The following CHMP4C variants were observed in gnomAD, a reference collection of about 807,000 sequenced individuals.
CHMP4C encodes the protein SNF7 homolog associated with Alix 3.
Under a neutral mutation model 29.0 loss-of-function variants are expected in CHMP4C, and 28 were observed. The ratio of observed to expected loss-of-function variants is 0.97; its 90% CI spans 0.72 to 1.32. The LOEUF (loss-of-function observed/expected upper bound fraction) is 1.32. CHMP4C is among the 40% of genes most tolerant of loss of function. The pLI, the probability that CHMP4C is intolerant of heterozygous loss-of-function variation, is 0.00. For missense variants in CHMP4C, 291 were observed against 281.0 expected, an observed-to-expected ratio of 1.04 and a Z score of -0.25; for synonymous variants, 106 against 102.4, an observed-to-expected ratio of 1.04 and a Z score of -0.21.
chr8:81,755,309 T>G, intron 2 of CHMP4C, 61 bp from the exon 3 acceptor site: 1 of 869,726 alleles, frequency 1.1e-6, no homozygotes, highest in Admixed American at 2.1e-5. Flanking sequence ...TATAGGATTA[T>G]ATCTAAATTC....
At position 81,758,949 on chromosome 8, in the gene CHMP4C, C is replaced by T. The variant is rs948262251; in HGVS notation, c.*405C>T. On this transcript the variant is annotated 3_prime_UTR_variant, in exon 5 of 5. Coordinates refer to ENST00000297265, the MANE Select transcript of CHMP4C (RefSeq NM_152284.4). ...CCAGGAGATGGAGGTTGCAGTGAGCCAAGATCATGCCACTGCACTCCAGAC... is the reference window on the plus strand; with the variant it reads ...CCAGGAGATGGAGGTTGCAGTGAGCTAAGATCATGCCACTGCACTCCAGAC... The T allele has an allele frequency of 6.5e-6, 1 of 154,958 alleles. No homozygotes were observed. Among genetic ancestry groups the T allele is most frequent in the Admixed American group, 6.7e-5 (1 of 14,898 alleles). The allele number at this position is 154,958 out of a possible 1,614,324, so 9.6% of individuals were successfully genotyped here. A position where few individuals can be genotyped will look rare whatever the true frequency, so the allele number is the denominator to read the frequency against.
chr8:81,739,689 A>G (rs1410694979), intron 1 of CHMP4C, among the ~76,000 whole-genome samples: 1 of 152,196 alleles, frequency 6.6e-6, no homozygotes, highest in Non-Finnish European at 1.5e-5. Context: ...GAGCTTCCCC[A>G]CTATCTCCCT....
chr8:81,734,475 C>T (rs113759932), intron 1 of CHMP4C, among the ~76,000 whole-genome samples: 1,503 of 139,494 alleles, frequency 0.011, 20 homozygotes, highest in African/African-American at 0.039. Context: ...GGATTACAGG[C>T]ATGTGCCACC....
At chr8:81,740,734 G>A (rs1808753670) in intron 1 of CHMP4C, among the ~76,000 whole-genome samples, 1 of 152,066 alleles carries the variant, frequency 6.6e-6, no homozygotes, top group Non-Finnish European at 1.5e-5. Flanking sequence ...ACACACCTGG[G>A]GTTCACAAAT....
At chr8:81,739,901 A>G (rs2130477388) in intron 1 of CHMP4C, among the ~76,000 whole-genome samples, 1 of 152,322 alleles carries the variant, frequency 6.6e-6, no homozygotes, top group South Asian at 2.1e-4. Flanking sequence ...TCCCAGCCAA[A>G]TTATTCCCCA....
intron 1 of CHMP4C, 67 bp from the exon 2 acceptor site, chr8:81,752,997 G>C: frequency 7.2e-7 from 1 of 1,397,798 alleles, no homozygotes; most frequent in Non-Finnish European, 9.7e-7. Context: ...TAGTGGTGCT[G>C]AGCAAACATC....
At chr8:81,753,675 G>T (rs185572494) in intron 2 of CHMP4C, among the ~76,000 whole-genome samples, 1 of 152,178 alleles carries the variant, frequency 6.6e-6, no homozygotes, top group African/African-American at 2.4e-5. Flanking sequence ...ATGTGATTCC[G>T]ATGCTAACCA....
intron 1 of CHMP4C, among the ~76,000 whole-genome samples, chr8:81,739,260 C>A (rs1017186993): frequency 6.6e-6 from 1 of 151,638 alleles, no homozygotes; most frequent in African/African-American, 2.4e-5. Flanking sequence ...CCAAGCCCAG[C>A]TATTTTTTTT....
chr8:81,753,284 T>A, intron 2 of CHMP4C, 43 bp downstream of exon 2: 1 of 1,480,862 alleles, frequency 6.8e-7, no homozygotes, highest in East Asian at 2.4e-5. Flanking sequence ...ATTCCCTCAG[T>A]GTTGGGAAGA....
chr8:81,753,164 G>A lies in CHMP4C; in HGVS notation c.291G>A (p.Glu97=). Residue 97 remains glutamate, a synonymous_variant, in exon 2 of 5, where the codon GAG becomes GAA. Coordinates refer to ENST00000297265, the MANE Select transcript of CHMP4C (RefSeq NM_152284.4). ...TTGAGTTCCAGAGAGAAGCCCTGGA[G>A]AACTCACACACCAACACTGAGGTGT... ...STIEFQREAL[E]NSHTNTEVLR... 1 of 1,612,598 alleles carries A rather than the reference G, an allele frequency of 6.2e-7. No individual in the cohort carries two copies. Among genetic ancestry groups the A allele is most frequent in the Non-Finnish European group, 8.5e-7 (1 of 1,179,084 alleles).
At chr8:81,732,918 G>T in intron 1 of CHMP4C, 102 bp downstream of exon 1, 1 of 1,094,260 alleles carries the variant, frequency 9.1e-7, no homozygotes, top group Non-Finnish European at 1.3e-6. Flanking sequence ...GGCCAGGTTT[G>T]CTCCTGCAGT....
Position 81,758,149 on chromosome 8 carries a change from T to A in CHMP4C, c.491T>A (p.Leu164Ter). The A allele has an allele frequency of 6.2e-7, 1 of 1,613,900 alleles. No individual in the cohort carries two copies. Among genetic ancestry groups the A allele is most frequent in the Admixed American group, 1.7e-5 (1 of 59,962 alleles). ...CCTTTCTCCTGTGTTCAGGATGAGTTGATGGCAGAACTTGAAGAATTGGAA... is the reference window on the plus strand; with the variant it reads ...CCTTTCTCCTGTGTTCAGGATGAGTAGATGGCAGAACTTGAAGAATTGGAA... The part of the protein sequence containing the change: ...GFGDDFDEDE[L>*]MAELEELEQE... Residue 164 changes from leucine (L) to a stop codon, truncating the protein, a stop_gained, in exon 4 of 5, where the codon TTG becomes TAG. Coordinates refer to ENST00000297265, the MANE Select transcript of CHMP4C (RefSeq NM_152284.4). LOFTEE classifies it high-confidence loss of function.
intron 1 of CHMP4C, among the ~76,000 whole-genome samples, chr8:81,739,416 T>TGC (rs1554592433): frequency 6.2e-5 from 1 of 16,142 alleles, no homozygotes; most frequent in Non-Finnish European, 1.0e-4. Context: ...CCTGGGGGAT[T>TGC]GTGGGGGGGG....
At chr8:81,747,977 G>A (rs1347703678) in intron 1 of CHMP4C, among the ~76,000 whole-genome samples, 1 of 152,148 alleles carries the variant, frequency 6.6e-6, no homozygotes, top group East Asian at 1.9e-4. Context: ...AGCGCTATGG[G>A]AGACCGGAGT....
intron 1 of CHMP4C, among the ~76,000 whole-genome samples, chr8:81,750,300 G>A (rs1258781371): frequency 2.0e-5 from 3 of 152,006 alleles, no homozygotes; most frequent in Non-Finnish European, 1.5e-5. Flanking sequence ...CCAGAACATA[G>A]ATCAAAAAGA....
chr8:81,752,242 T>C (rs191610462), intron 1 of CHMP4C, among the ~76,000 whole-genome samples: 1 of 152,312 alleles, frequency 6.6e-6, no homozygotes, highest in Admixed American at 6.5e-5. Context: ...CGTATTAACA[T>C]TCTGCTGCTG....
At chr8:81,738,755 C>G (rs1294663508) in intron 1 of CHMP4C, among the ~76,000 whole-genome samples, 1 of 152,186 alleles carries the variant, frequency 6.6e-6, no homozygotes, top group East Asian at 1.9e-4. Context: ...TAGTAACCTC[C>G]ATTCTTAAGA....
intron 1 of CHMP4C, among the ~76,000 whole-genome samples, chr8:81,748,943 A>AAT (rs1554593114): frequency 5.9e-5 from 9 of 151,278 alleles, no homozygotes; most frequent in African/African-American, 2.2e-4. Context: ...AAAAAAAAAA[A>AAT]ATGCAAGCTT....
Position 81,732,749 on chromosome 8 carries a change from G to A in CHMP4C, c.123G>A (p.Glu41=), listed in dbSNP as rs1389802706. Residue 41 remains glutamate, a synonymous_variant, in exon 1 of 5, where the codon GAG becomes GAA. Coordinates refer to ENST00000297265, the MANE Select transcript of CHMP4C (RefSeq NM_152284.4). ...ETEEMLGKKQ[E]YLENRIQREI... ...AGGAGATGCTGGGCAAGAAACAAGA[G>A]TACCTGGAAAATCGAATCCAGAGAG... The A allele has an allele frequency of 1.2e-6, 2 of 1,610,034 alleles. No homozygotes were observed.
Sources: gnomAD v4.1 joint callset for allele counts (sites outside exome capture counted in the v4.1 genomes callset) on GRCh38, gnomAD v4.1.1 for gene constraint, MANE v1.5 for transcripts, NCBI Gene and HGNC (gene_info 2026-07-23, HGNC 2026-07-21) for gene names.